The following ACAP2 variants were observed in gnomAD, a reference collection of about 807,000 sequenced individuals.
ACAP2 encodes arf-GAP with coiled-coil, ANK repeat and PH domain-containing protein 2.
A neutral mutation model predicts 115.8 loss-of-function variants in ACAP2; 39 were observed. The ratio of observed to expected loss-of-function variants is 0.34; its 90% CI spans 0.26 to 0.44. The LOEUF is 0.44. Ranked by LOEUF, ACAP2 falls within the 20% of genes least tolerant of loss-of-function variation. The probability of loss-of-function intolerance (pLI) is 1.00; values close to 1 mark genes in which losing one functional copy is unlikely to be tolerated. For synonymous variants in ACAP2, 289 were observed against 315.8 expected (o/e 0.92, Z 0.90); for missense variants, 662 against 927.6 (o/e 0.71, Z 3.72).
At chr3:195,437,090 C>T (rs1462480201) in intron 1 of ACAP2, among the ~76,000 whole-genome samples, 1 of 152,108 alleles carries the variant, frequency 6.6e-6, no homozygotes, top group Admixed American at 6.6e-5. Flanking sequence ...CTCTGTCTTC[C>T]AAGGTGGAGT....
chr3:195,415,870 C>T (rs547424409), intron 1 of ACAP2, among the ~76,000 whole-genome samples: 5 of 151,224 alleles, frequency 3.3e-5, no homozygotes, highest in Non-Finnish European at 5.9e-5. Flanking sequence ...ATGAAAAAAA[C>T]GCTAAAAAGG....
chr3:195,307,174 A>G, intron 12 of ACAP2, 49 bp downstream of exon 12: 1 of 1,472,310 alleles, frequency 6.8e-7, no homozygotes, highest in Non-Finnish European at 9.4e-7. Context: ...TATTTAAGAC[A>G]AACTATAAAA....
At chr3:195,437,634 T>C (rs1387952659) in intron 1 of ACAP2, among the ~76,000 whole-genome samples, 1 of 151,766 alleles carries the variant, frequency 6.6e-6, no homozygotes, top group Non-Finnish European at 1.5e-5. Context: ...GCCAACATAG[T>C]GAAACCCCGT....
chr3:195,425,457 TGC>T (rs1714614475), intron 1 of ACAP2, among the ~76,000 whole-genome samples: 1 of 152,248 alleles, frequency 6.6e-6, no homozygotes, highest in African/African-American at 2.4e-5. Context: ...AAAAGCCTGT[TGC>T]CTATCTACTG....
At chr3:195,360,109 C>T (rs552233769) in intron 4 of ACAP2, among the ~76,000 whole-genome samples, 38 of 152,028 alleles carry the variant, frequency 2.5e-4, no homozygotes, top group Middle Eastern at 3.4e-3. Flanking sequence ...AGAAACAAGA[C>T]GCAATAATCT....
chr3:195,359,038 GT>G (rs1443505140), intron 4 of ACAP2, among the ~76,000 whole-genome samples: 3 of 152,090 alleles, frequency 2.0e-5, no homozygotes, highest in African/African-American at 7.2e-5. Context: ...CATATTTAAA[GT>G]GCTGGCAAAA....
intron 1 of ACAP2, among the ~76,000 whole-genome samples, chr3:195,410,006 C>T (rs1713129113): frequency 6.6e-6 from 1 of 151,510 alleles, no homozygotes; most frequent in Non-Finnish European, 1.5e-5. Flanking sequence ...GGAGGATTCA[C>T]ACTTTCTGAT....
At chr3:195,424,112 A>G (rs1345375849) in intron 1 of ACAP2, among the ~76,000 whole-genome samples, 2 of 151,376 alleles carry the variant, frequency 1.3e-5, no homozygotes, top group Non-Finnish European at 2.9e-5. Flanking sequence ...ACAGAGTTCA[A>G]ATCCCCTCCT....
At chr3:195,435,531 C>T (rs2108868864) in intron 1 of ACAP2, among the ~76,000 whole-genome samples, 2 of 152,078 alleles carry the variant, frequency 1.3e-5, no homozygotes, top group South Asian at 4.2e-4. Flanking sequence ...TTAGCTGCAT[C>T]CCATAAGTTT....
At chr3:195,322,331 G>GA (rs1385379461) in intron 9 of ACAP2, among the ~76,000 whole-genome samples, 1 of 152,092 alleles carries the variant, frequency 6.6e-6, no homozygotes, top group Non-Finnish European at 1.5e-5. Flanking sequence ...CCTGTCTTGG[G>GA]AAACATTTTG....
rs937689374 is a variant in ACAP2, at chr3:195,424,744, C to A, written c.53+18051G>T. On this transcript the variant is annotated intron_variant, in intron 1 of 22. Coordinates refer to ENST00000326793, the MANE Select transcript of ACAP2 (RefSeq NM_012287.6). ...CAGCCTGGGCAACACAGTGAGATTT[C>A]GTCTCTACAAAAAATTTAAAAAATT... 2.2e-4 allele frequency among the ~76,000 whole-genome samples: 33 copies of A among 151,396 alleles called. 1 individual carries two copies. The highest frequency in any genetic ancestry group is 7.0e-4 in the African/African-American group (29 of 41,272).
chr3:195,353,184 G>C (rs1177807688), intron 4 of ACAP2, among the ~76,000 whole-genome samples: 1 of 151,804 alleles, frequency 6.6e-6, no homozygotes, highest in Non-Finnish European at 1.5e-5. Context: ...GGACACTCAA[G>C]CATCCCTGCA....
chr3:195,323,288 T>C (rs74288792), intron 9 of ACAP2, among the ~76,000 whole-genome samples: 3,291 of 152,288 alleles, frequency 0.022, 116 homozygotes, highest in East Asian at 0.1. Flanking sequence ...ACCATCATTA[T>C]TGGTAGATGA....
intron 1 of ACAP2, among the ~76,000 whole-genome samples, chr3:195,424,244 G>GTGTGTGTGTGTGT (rs1553872445): frequency 1.4e-5 from 1 of 69,614 alleles, no homozygotes; most frequent in East Asian, 4.4e-4. Flanking sequence ...GTGTGTGTGT[G>GTGTGTGTGTGTGT]GTGTGTGTGT....
chr3:195,345,442 A>G (rs1731136532), intron 4 of ACAP2, 125 bp from the exon 5 acceptor site: 1 of 596,640 alleles, frequency 1.7e-6, no homozygotes, highest in Non-Finnish European at 3.0e-6. Context: ...CTCTTCTTGA[A>G]GACTACAAAA....
At chr3:195,373,436 A>G (rs528988092) in intron 4 of ACAP2, among the ~76,000 whole-genome samples, 3 of 152,316 alleles carry the variant, frequency 2.0e-5, no homozygotes, top group Admixed American at 2.0e-4. Flanking sequence ...CTTCCATTTC[A>G]CACAAAAGTG....
Position 195,442,734 on chromosome 3 carries a change from T to C in ACAP2, c.53+61A>G, listed in dbSNP as rs1577495512. On this transcript the variant is annotated intron_variant, in intron 1 of 22. Transcript: ENST00000326793. ...CTCCTCCGGGTGCGCGGGCCCGGCT[T>C]TCACGCCCCCAGCGCCGGGAAGGCA... is the stretch of plus-strand genomic sequence containing the variant. 2.7e-6 allele frequency: 4 copies of C among 1,506,148 alleles called. No individual in the cohort carries two copies. In the East Asian group the frequency reaches 1.1e-4, roughly 42 times the overall value. The allele number at this position is 1,506,148 out of a possible 1,614,324, so 93.3% of individuals were successfully genotyped here. A position where few individuals can be genotyped will look rare whatever the true frequency, so the allele number is the denominator to read the frequency against.
At chr3:195,415,964 T>C (rs1370274670) in intron 1 of ACAP2, among the ~76,000 whole-genome samples, 8 of 151,816 alleles carry the variant, frequency 5.3e-5, no homozygotes, top group Non-Finnish European at 1.2e-4. Flanking sequence ...CAAAAAGAAA[T>C]GGACAAACAG....
intron 1 of ACAP2, among the ~76,000 whole-genome samples, chr3:195,415,627 C>A (rs1389163665): frequency 4.6e-5 from 7 of 152,196 alleles, no homozygotes; most frequent in African/African-American, 7.2e-5. Context: ...AAGGTAAGTT[C>A]TTTTTATTAA....
Sources: allele counts gnomAD v4.1 joint callset (sites outside exome capture counted in the v4.1 genomes callset), GRCh38; gene constraint gnomAD v4.1.1; transcripts MANE v1.5; gene names NCBI Gene and HGNC (gene_info 2026-07-23, HGNC 2026-07-21).